Variants in GEMIN5 observed in about 807,000 individuals in gnomAD.
The protein encoded by GEMIN5 is gem nuclear organelle associated protein 5.
GEMIN5 carries 124 observed loss-of-function variants against 176.9 expected under a neutral mutation model. The observed-to-expected ratio is 0.70, with a 90% confidence interval of 0.61 to 0.81. GEMIN5 has a LOEUF of 0.81. GEMIN5 is among the 40% of genes least tolerant of loss of function. The probability of loss-of-function intolerance (pLI) is 0.00; values close to 1 mark genes in which losing one functional copy is unlikely to be tolerated. For missense variants in GEMIN5, 1,843 were observed against 1,814.6 expected (o/e 1.02, Z -0.28); for synonymous variants, 673 against 665.2 (o/e 1.01, Z -0.18).
intron 24 of GEMIN5, among the ~76,000 whole-genome samples, chr5:154,895,082 A>G (rs1763320472): frequency 6.9e-6 from 1 of 145,964 alleles, no homozygotes; most frequent in Non-Finnish European, 1.5e-5. Flanking sequence ...TCCGCCTCAA[A>G]AAGAAAGAAA....
Position 154,888,104 on chromosome 5 carries a change from G to C in GEMIN5, c.*106C>G. 1 of 1,078,754 alleles carries C rather than the reference G, an allele frequency of 9.3e-7. No individual in the cohort carries two copies. The highest frequency in any genetic ancestry group is 1.4e-6 in the Non-Finnish European group (1 of 715,906). The allele number at this position is 1,078,754 out of a possible 1,614,324, so 66.8% of individuals were successfully genotyped here. A position where few individuals can be genotyped will look rare whatever the true frequency, so the allele number is the denominator to read the frequency against. On this transcript the variant is annotated 3_prime_UTR_variant, in exon 28 of 28. Coordinates refer to ENST00000285873, the MANE Select transcript of GEMIN5 (RefSeq NM_015465.5). ...CTTGTTTGTATTCTTTTGGATTACTGCAAAAACATCTAGGGACCAGAGTGA... is the reference window on the plus strand; with the variant it reads ...CTTGTTTGTATTCTTTTGGATTACTCCAAAAACATCTAGGGACCAGAGTGA...
chr5:154,931,549 A>G lies in GEMIN5; in HGVS notation c.690T>C (p.Ala230=), dbSNP rs775909453. ...CTTTTGTTACTGGAGCTTGTGCTAC[A>G]GCATTCCCGTTGGTAATTTCAGCTT... is the stretch of plus-strand genomic sequence containing the variant. ...SEEAEITNGN[A]VAQAPVTKGC... The change falls in exon 5 of 28, where the codon GCT becomes GCC. Residue 230 remains alanine (A), a synonymous_variant. Transcript: ENST00000285873. 2 of 1,609,990 alleles carry G rather than the reference A, an allele frequency of 1.2e-6. No individual in the cohort carries two copies. Among genetic ancestry groups the G allele is most frequent in the South Asian group, 2.2e-5 (2 of 90,712 alleles).
chr5:154,901,286 G>C, intron 21 of GEMIN5, 53 bp downstream of exon 21: 1 of 1,495,010 alleles, frequency 6.7e-7, no homozygotes, highest in Non-Finnish European at 9.2e-7. Context: ...GAGAAGTTTA[G>C]GTTATTTTCA....
chr5:154,888,402 A>G (rs770507081), intron 27 of GEMIN5, 25 bp from the exon 28 acceptor site: 10 of 1,603,186 alleles, frequency 6.2e-6, no homozygotes, highest in Middle Eastern at 1.7e-4. Flanking sequence ...CATGAGGATG[A>G]ATAAGGAAGC....
chr5:154,930,151 T>C (rs1764132460), intron 5 of GEMIN5, among the ~76,000 whole-genome samples: 1 of 152,240 alleles, frequency 6.6e-6, no homozygotes, highest in South Asian at 2.1e-4. Context: ...CCATTTTTCC[T>C]GCCATAACCA....
At chr5:154,930,208 G>A (rs984231025) in intron 5 of GEMIN5, among the ~76,000 whole-genome samples, 16 of 152,040 alleles carry the variant, frequency 1.1e-4, no homozygotes, top group Non-Finnish European at 1.9e-4. Context: ...TTAAATCAGC[G>A]AATCAGAATT....
At chr5:154,917,238 G>T in intron 12 of GEMIN5, 59 bp from the exon 13 acceptor site, 1 of 864,458 alleles carries the variant, frequency 1.2e-6, no homozygotes, top group Non-Finnish European at 1.7e-6. Context: ...AAGTTACAAT[G>T]CAAATAGTAG....
chr5:154,911,824 C>G lies in GEMIN5; in HGVS notation c.2070G>C (p.Trp690Cys). ...AGATGCAGTCTGGATCCAAAGGAGACCATGCCACACAAAGCAGTCGACCTC... is the reference window on the plus strand; with the variant it reads ...AGATGCAGTCTGGATCCAAAGGAGAGCATGCCACACAAAGCAGTCGACCTC... The part of the protein sequence containing the change: ...GHRGRLLCVA[W>C]SPLDPDCIYS... The change falls in exon 15 of 28, where the codon TGG becomes TGC. Residue 690 changes from tryptophan to cysteine, a missense_variant. Transcript: ENST00000285873. The G allele has an allele frequency of 6.2e-7, 1 of 1,613,920 alleles. No individual in the cohort carries two copies. Among genetic ancestry groups the G allele is most frequent in the East Asian group, 2.2e-5 (1 of 44,872 alleles).
At chr5:154,904,675 A>G (rs1420666281) in intron 17 of GEMIN5, 46 bp from the exon 18 acceptor site, 1 of 1,496,276 alleles carries the variant, frequency 6.7e-7, no homozygotes, top group Admixed American at 1.7e-5. Flanking sequence ...AACTGATCAG[A>G]AACATAAAAC....
At chr5:154,908,257 C>T (rs781124106) in intron 15 of GEMIN5, among the ~76,000 whole-genome samples, 1 of 147,700 alleles carries the variant, frequency 6.8e-6, no homozygotes, top group Non-Finnish European at 1.5e-5. Flanking sequence ...CTCAGCTCAC[C>T]GCAACTTCTG....
At chr5:154,906,093 T>G (rs561838108) in intron 16 of GEMIN5, among the ~76,000 whole-genome samples, 4 of 152,126 alleles carry the variant, frequency 2.6e-5, no homozygotes, top group African/African-American at 9.6e-5. Flanking sequence ...CCTCCTGGGC[T>G]CAGGTGATCC....
intron 13 of GEMIN5, among the ~76,000 whole-genome samples, chr5:154,913,415 G>C (rs1387967792): frequency 6.6e-6 from 1 of 152,164 alleles, no homozygotes; most frequent in Non-Finnish European, 1.5e-5. Flanking sequence ...GGATATTCTA[G>C]CTAAAATGTA....
intron 24 of GEMIN5, among the ~76,000 whole-genome samples, chr5:154,892,852 A>T (rs1377298504): frequency 6.6e-6 from 1 of 152,076 alleles, no homozygotes; most frequent in African/African-American, 2.4e-5. Context: ...TAATCCCAGC[A>T]CTTTGGGAGG....
intron 23 of GEMIN5, among the ~76,000 whole-genome samples, chr5:154,898,126 C>G (rs1763391580): frequency 1.3e-5 from 2 of 152,268 alleles, no homozygotes; most frequent in Admixed American, 6.5e-5. Context: ...GTCTCAAACT[C>G]CTGACCTCAA....
chr5:154,917,229 A>G (rs373282965), intron 12 of GEMIN5, 50 bp from the exon 13 acceptor site: 2 of 1,119,418 alleles, frequency 1.8e-6, no homozygotes, highest in African/African-American at 3.1e-5. Context: ...TCAAATTACA[A>G]GTTACAATGC....
rs770709462 is a variant in GEMIN5 at position 154,905,377 on chromosome 5, G to T, written c.2495C>A (p.Pro832Gln). Residue 832 changes from proline (P) to glutamine (Q), a missense_variant, in exon 17 of 28, where the codon CCA becomes CAA. By Grantham distance (76) the Pro-to-Gln change is moderately conservative (BLOSUM62 -1). Transcript: ENST00000285873. The stretch of plus-strand genomic sequence containing the variant: ...TAGATACCAACCTGGCTTCTCTTTT[G>T]GTGGCTCCTTTTTCAGTAAAATGAC... ...NKVILLKKEP[P>Q]KEKPETLIKK... 1 of 1,584,088 alleles carries T rather than the reference G, an allele frequency of 6.3e-7. No individual in the cohort carries two copies. Among genetic ancestry groups the T allele is most frequent in the Non-Finnish European group, 8.6e-7 (1 of 1,157,874 alleles).
At chr5:154,898,767 A>G in intron 22 of GEMIN5, 117 bp from the exon 23 acceptor site, 1 of 837,818 alleles carries the variant, frequency 1.2e-6, no homozygotes, top group African/African-American at 1.7e-5. Context: ...CTGTGGTCCC[A>G]GGTATGTCAC....
chr5:154,898,785 G>T, intron 22 of GEMIN5, 135 bp from the exon 23 acceptor site: 1 of 729,082 alleles, frequency 1.4e-6, no homozygotes, highest in Non-Finnish European at 2.3e-6. Flanking sequence ...CACTGCCCCG[G>T]TTGTTCCTGT....
chr5:154,904,439 T>C (rs1358455329), intron 18 of GEMIN5, 68 bp downstream of exon 18: 5 of 1,329,934 alleles, frequency 3.8e-6, no homozygotes, highest in African/African-American at 1.5e-5. Context: ...ATTTAATAAA[T>C]AAGTAAACAT....
Sources: allele counts gnomAD v4.1 joint callset (sites outside exome capture counted in the v4.1 genomes callset), GRCh38; gene constraint gnomAD v4.1.1; transcripts MANE v1.5; gene names NCBI Gene and HGNC (gene_info 2026-07-23, HGNC 2026-07-21).